Variants in RBFOX1 observed in about 807,000 individuals in gnomAD.
RBFOX1 encodes RNA binding fox-1 homolog 1, also known as RNA binding protein fox-1 homolog 1.
A neutral mutation model predicts 57.7 loss-of-function variants in RBFOX1; 8 were observed. That is an observed-to-expected ratio of 0.14 (90% CI 0.08 to 0.25). RBFOX1 has a LOEUF of 0.25. Ranked by LOEUF, RBFOX1 falls within the 10% of genes least tolerant of loss-of-function variation. The probability of loss-of-function intolerance (pLI) is 1.00; values close to 1 mark genes in which losing one functional copy is unlikely to be tolerated. For synonymous variants in RBFOX1, 326 were observed against 222.4 expected (o/e 1.47, Z -4.15); for missense variants, 611 against 548.5 (o/e 1.11, Z -1.14).
chr16:7,668,837 TACAA>T (rs985023393), intron 13 of RBFOX1, among the ~76,000 whole-genome samples: 8 of 152,220 alleles, frequency 5.3e-5, no homozygotes, highest in Admixed American at 1.3e-4. Flanking sequence ...GTAGAGTTTA[TACAA>T]ACAGAGTTGC....
chr16:6,567,147 T>C (rs1287739340), intron 2 of RBFOX1, among the ~76,000 whole-genome samples: 6 of 152,200 alleles, frequency 3.9e-5, no homozygotes, highest in Admixed American at 6.5e-5. Flanking sequence ...GGTTTGGGGA[T>C]AATGTTGACC....
At chr16:5,893,756 A>C (rs780239100) in intron 4 of RBFOX1, among the ~76,000 whole-genome samples, 1 of 152,132 alleles carries the variant, frequency 6.6e-6, no homozygotes, top group African/African-American at 2.4e-5. Flanking sequence ...CAGTGAGCCA[A>C]GATTGCGCCA....
chr16:6,703,235 CTTATTA>C (rs1005367514), intron 3 of RBFOX1, among the ~76,000 whole-genome samples: 17 of 152,158 alleles, frequency 1.1e-4, no homozygotes, highest in African/African-American at 3.6e-4. Context: ...CTATTAATTA[CTTATTA>C]TTATTTATTA....
At chr16:6,479,989 G>A (rs899084718) in intron 2 of RBFOX1, among the ~76,000 whole-genome samples, 1 of 150,658 alleles carries the variant, frequency 6.6e-6, no homozygotes, top group African/African-American at 2.5e-5. Context: ...GGCAGAGGTT[G>A]CAGTGAGCTG....
rs5815301 is a variant in RBFOX1, at chr16:6,344,694, G to GTTTTT, written c.-64+27654_-64+27658dup. Among the ~76,000 whole-genome samples the GTTTTT allele has an allele frequency of 3.7e-4, 33 of 88,326 alleles. 1 individual carries two copies. Among genetic ancestry groups the GTTTTT allele is most frequent in the African/African-American group, 1.2e-3 (25 of 21,218 alleles). 57.9% of individuals were successfully genotyped at this position (88,326 alleles called of 152,430 possible). On this transcript the variant is annotated intron_variant, in intron 2 of 15. Transcript: ENST00000550418. The stretch of plus-strand genomic sequence containing the variant: ...TTACAGGCGTGAGCCACCGAGCCCG[G>GTTTTT]TTTTTTTTTTTTTTTTTTTTTGAGA...
At chr16:7,350,239 A>G (rs1488917685) in intron 4 of RBFOX1, among the ~76,000 whole-genome samples, 3 of 152,172 alleles carry the variant, frequency 2.0e-5, no homozygotes, top group African/African-American at 7.2e-5. Context: ...CTGATTGACA[A>G]GTAGGTGCCA....
intron 3 of RBFOX1, among the ~76,000 whole-genome samples, chr16:6,882,815 G>T (rs2063226305): frequency 6.6e-6 from 1 of 152,024 alleles, no homozygotes; most frequent in Non-Finnish European, 1.5e-5. Flanking sequence ...TCAATTCTCT[G>T]TTTCTTTGCC....
At chr16:5,458,831 A>T (rs192576971) in intron 1 of RBFOX1, among the ~76,000 whole-genome samples, 1 of 152,298 alleles carries the variant, frequency 6.6e-6, no homozygotes, top group African/African-American at 2.4e-5. Context: ...TGAGTTCCTG[A>T]TGGGTACCAG....
At position 5,635,231 on chromosome 16, in the gene RBFOX1, C is replaced by G. The variant is rs28589829; in HGVS notation, c.318+36270C>G. Among the ~76,000 whole-genome samples the G allele has an allele frequency of 7.1e-3, 1,076 of 152,320 alleles. 14 individuals carry two copies. The highest frequency in any genetic ancestry group is 0.025 in the African/African-American group (1,025 of 41,560). Reference sequence around the variant, plus strand: ...ATGGTCAGCCATCTGACAAAAGTCTCAAGCTACTTCATTCTATTGACCTCA... The same window carrying G: ...ATGGTCAGCCATCTGACAAAAGTCTGAAGCTACTTCATTCTATTGACCTCA... On this transcript the variant is annotated intron_variant, in intron 3 of 19. Coordinates refer to the RBFOX1 transcript ENST00000641259.
chr16:6,863,131 G>C (rs374135546), intron 3 of RBFOX1, among the ~76,000 whole-genome samples: 3 of 152,170 alleles, frequency 2.0e-5, no homozygotes, highest in Admixed American at 1.3e-4. Flanking sequence ...TGGATGAAGA[G>C]AAATTAATAA....
intron 2 of RBFOX1, among the ~76,000 whole-genome samples, chr16:6,592,545 T>C (rs2097726037): frequency 6.6e-6 from 1 of 152,214 alleles, no homozygotes; most frequent in African/African-American, 2.4e-5. Context: ...TGAGAGACTT[T>C]GGAGTCAGAT....
intron 4 of RBFOX1, among the ~76,000 whole-genome samples, chr16:7,260,085 A>T (rs2094857708): frequency 6.6e-6 from 1 of 152,194 alleles, no homozygotes; most frequent in African/African-American, 2.4e-5. Context: ...TTCTGTAAAT[A>T]TATAACCATA....
intron 3 of RBFOX1, among the ~76,000 whole-genome samples, chr16:5,713,530 C>G (rs1188736817): frequency 6.6e-6 from 1 of 152,164 alleles, no homozygotes; most frequent in South Asian, 2.1e-4. Context: ...AGGAGGGTAT[C>G]TGTCTCTCCA....
intron 3 of RBFOX1, among the ~76,000 whole-genome samples, chr16:6,971,902 C>T (rs1216855289): frequency 2.0e-5 from 3 of 152,048 alleles, no homozygotes; most frequent in Non-Finnish European, 4.4e-5. Context: ...TCAGCAGCCT[C>T]AGTGGGGTGG....
intron 4 of RBFOX1, among the ~76,000 whole-genome samples, chr16:7,131,785 G>C (rs1162588824): frequency 6.6e-6 from 1 of 152,030 alleles, no homozygotes; most frequent in African/African-American, 2.4e-5. Flanking sequence ...TTTGGGGCCT[G>C]TGAATAGTCC....
intron 2 of RBFOX1, among the ~76,000 whole-genome samples, chr16:6,529,519 A>G (rs970344837): frequency 1.3e-5 from 2 of 152,004 alleles, no homozygotes; most frequent in South Asian, 2.1e-4. Flanking sequence ...ACATTGCACC[A>G]CTGCACTGCA....
At chr16:5,299,672 C>G (rs1042270209) in intron 1 of RBFOX1, among the ~76,000 whole-genome samples, 4 of 152,158 alleles carry the variant, frequency 2.6e-5, no homozygotes, top group African/African-American at 4.8e-5. Flanking sequence ...ATTTGTAACT[C>G]AATTTGGTGA....
chr16:6,136,727 C>T (rs2152690372), intron 1 of RBFOX1, among the ~76,000 whole-genome samples: 1 of 152,256 alleles, frequency 6.6e-6, no homozygotes, highest in South Asian at 2.1e-4. Flanking sequence ...TCTTCTACAG[C>T]CCCCCAAAAT....
rs556613732 is a variant in RBFOX1 at position 6,692,429 on chromosome 16, C to A, written c.-16+37779C>A. Among the ~76,000 whole-genome samples the A allele has an allele frequency of 1.2e-4, 18 of 152,288 alleles. No individual in the cohort carries two copies. In the South Asian group the frequency reaches 2.1e-3, roughly 18 times the overall value. ...TCTCATTTAAATCCATCCTACTCAT[C>A]ACTGGTACATTATTCTTCCTAGAAC... is the stretch of plus-strand genomic sequence containing the variant. On this transcript the variant is annotated intron_variant, in intron 3 of 15. Transcript: ENST00000550418.
Sources: gnomAD v4.1 joint callset for allele counts (sites outside exome capture counted in the v4.1 genomes callset) on GRCh38, gnomAD v4.1.1 for gene constraint, MANE v1.5 for transcripts, NCBI Gene and HGNC (gene_info 2026-07-23, HGNC 2026-07-21) for gene names.